The following RBFOX1 variants were observed in gnomAD, a reference collection of about 807,000 sequenced individuals.
RBFOX1 encodes the protein RNA binding protein fox-1 homolog 1.
In RBFOX1, 8 loss-of-function variants were observed where a neutral mutation model predicts 57.7. The ratio of observed to expected loss-of-function variants is 0.14; its 90% CI spans 0.08 to 0.25. The LOEUF (loss-of-function observed/expected upper bound fraction) is 0.25, where lower values mean the gene tolerates loss of function less well. Among genes scored for constraint, RBFOX1 ranks in the 10% least tolerant of loss-of-function variants. The pLI is 1.00. For missense variants in RBFOX1, 611 were observed against 548.5 expected (o/e 1.11, Z -1.14); for synonymous variants, 326 against 222.4 (o/e 1.47, Z -4.15).
chr16:7,290,297 G>C (rs530560096), intron 4 of RBFOX1, among the ~76,000 whole-genome samples: 2 of 152,106 alleles, frequency 1.3e-5, no homozygotes, highest in African/African-American at 4.8e-5. Context: ...TTTCAATTAG[G>C]CTTATAATCC....
chr16:6,741,483 G>A (rs1339449614), intron 3 of RBFOX1, among the ~76,000 whole-genome samples: 3 of 151,928 alleles, frequency 2.0e-5, no homozygotes, highest in Non-Finnish European at 4.4e-5. Context: ...GGCTAACATG[G>A]CGAAACCCTG....
chr16:6,059,729 T>C (rs995175333), intron 1 of RBFOX1, among the ~76,000 whole-genome samples: 10 of 152,168 alleles, frequency 6.6e-5, no homozygotes, highest in African/African-American at 2.4e-4. Context: ...AAACAGGGCC[T>C]CTACCATCTG....
intron 1 of RBFOX1, among the ~76,000 whole-genome samples, chr16:5,391,023 C>A (rs2066394359): frequency 6.6e-6 from 1 of 152,190 alleles, no homozygotes; most frequent in South Asian, 2.1e-4. Flanking sequence ...GAAGCTCAAC[C>A]AACAGGGTAC....
At chr16:6,834,891 A>ATTTTTTTT (rs71147607) in intron 3 of RBFOX1, among the ~76,000 whole-genome samples, 1 of 118,970 alleles carries the variant, frequency 8.4e-6, no homozygotes, top group Non-Finnish European at 1.7e-5. Context: ...TGACTTCTCT[A>ATTTTTTTT]TTTTTTTTTT....
chr16:5,293,075 C>T (rs7197610), intron 1 of RBFOX1, among the ~76,000 whole-genome samples: 67,204 of 151,670 alleles, frequency 0.44, 15,342 homozygotes, highest in East Asian at 0.59. Flanking sequence ...AATGCCAGTA[C>T]TTTGGGAGGC....
chr16:6,529,049 G>C (rs1467490176), intron 2 of RBFOX1, among the ~76,000 whole-genome samples: 1 of 152,022 alleles, frequency 6.6e-6, no homozygotes, highest in Non-Finnish European at 1.5e-5. Context: ...CTAATTAATT[G>C]GTTAAAAAAC....
At chr16:6,218,977 A>G (rs2097354316) in intron 1 of RBFOX1, among the ~76,000 whole-genome samples, 1 of 152,208 alleles carries the variant, frequency 6.6e-6, no homozygotes, top group South Asian at 2.1e-4. Flanking sequence ...AGTCAGTAGC[A>G]CGTATGTCAA....
intron 3 of RBFOX1, among the ~76,000 whole-genome samples, chr16:6,750,230 C>A (rs2074657286): frequency 6.6e-6 from 1 of 152,120 alleles, no homozygotes; most frequent in African/African-American, 2.4e-5. Flanking sequence ...TACCTGAGGG[C>A]ATTTGTTAAA....
At chr16:6,996,119 C>T (rs900841179) in intron 3 of RBFOX1, among the ~76,000 whole-genome samples, 4 of 152,166 alleles carry the variant, frequency 2.6e-5, no homozygotes, top group Admixed American at 6.5e-5. Flanking sequence ...ATGTCAAGAA[C>T]ATTTTATTGT....
intron 3 of RBFOX1, among the ~76,000 whole-genome samples, chr16:6,918,128 A>T (rs959999486): frequency 2.0e-5 from 3 of 152,078 alleles, no homozygotes; most frequent in African/African-American, 7.2e-5. Flanking sequence ...TCTCTACTAA[A>T]AATGCAGAAA....
At chr16:5,990,010 A>G (rs1266598031) in intron 4 of RBFOX1, among the ~76,000 whole-genome samples, 3 of 152,186 alleles carry the variant, frequency 2.0e-5, no homozygotes, top group South Asian at 2.1e-4. Context: ...TGTTGGTTAG[A>G]GACTGGGTCT....
Position 5,952,691 on chromosome 16 carries a change from G to A in RBFOX1, c.351+85356G>A, listed in dbSNP as rs73516261. Among the ~76,000 whole-genome samples the A allele has an allele frequency of 2.0e-4, 31 of 152,206 alleles. No individual in the cohort carries two copies. In the South Asian group the frequency reaches 3.1e-3, roughly 15 times the overall value. The stretch of plus-strand genomic sequence containing the variant: ...AGTGATTCTCCCGCTTCAGAATGCC[G>A]TGTGGTGTGACACAGAATTCTTCCA... On this transcript the variant is annotated intron_variant, in intron 4 of 19. Coordinates refer to the RBFOX1 transcript ENST00000641259.
At chr16:6,534,985 A>G (rs543204883) in intron 2 of RBFOX1, among the ~76,000 whole-genome samples, 4 of 152,284 alleles carry the variant, frequency 2.6e-5, no homozygotes, top group African/African-American at 9.6e-5. Context: ...CTTTCTGCAA[A>G]TACAAATGGT....
chr16:6,814,034 T>TCCAA (rs2089451409), intron 3 of RBFOX1, among the ~76,000 whole-genome samples: 1 of 112,246 alleles, frequency 8.9e-6, no homozygotes, highest in Non-Finnish European at 2.1e-5. Context: ...GGAAATTAGA[T>TCCAA]TCAAACATAA....
intron 1 of RBFOX1, among the ~76,000 whole-genome samples, chr16:5,433,344 C>T (rs1289512291): frequency 6.6e-6 from 1 of 152,182 alleles, no homozygotes; most frequent in Non-Finnish European, 1.5e-5. Context: ...CTGCTCTCTG[C>T]CTCCTCTTTT....
At chr16:7,341,693 ACCTTCCTTCCTTCCTT>A (rs777842492) in intron 4 of RBFOX1, among the ~76,000 whole-genome samples, 2 of 144,576 alleles carry the variant, frequency 1.4e-5, no homozygotes, top group Admixed American at 1.4e-4. Context: ...CAATGGTCCT[ACCTTCCTTCCTTCCTT>A]CCTTCCTTCC....
chr16:5,801,744 T>C (rs1365904801), intron 3 of RBFOX1, among the ~76,000 whole-genome samples: 4 of 148,682 alleles, frequency 2.7e-5, no homozygotes, highest in Non-Finnish European at 2.9e-5. Flanking sequence ...TCCAACAACA[T>C]AGGTTTTTTG....
chr16:6,678,925 G>A (rs1006484914), intron 3 of RBFOX1, among the ~76,000 whole-genome samples: 3 of 152,162 alleles, frequency 2.0e-5, no homozygotes, highest in African/African-American at 7.2e-5. Context: ...CATTTGGGGT[G>A]GCACATGGAT....
intron 4 of RBFOX1, among the ~76,000 whole-genome samples, chr16:7,378,663 T>A (rs1263665261): frequency 2.0e-5 from 3 of 152,180 alleles, no homozygotes; most frequent in Non-Finnish European, 4.4e-5. Flanking sequence ...AGTTTTGACC[T>A]CCCAATGTAG....
Sources: allele counts gnomAD v4.1 joint callset (sites outside exome capture counted in the v4.1 genomes callset), GRCh38; gene constraint gnomAD v4.1.1; transcripts MANE v1.5; gene names NCBI Gene and HGNC (gene_info 2026-07-23, HGNC 2026-07-21).